Variants in ERAP1 observed in about 807,000 individuals in gnomAD.
ERAP1 encodes the protein adipocyte-derived leucine aminopeptidase.
A neutral mutation model predicts 103.7 loss-of-function variants in ERAP1; 86 were observed. That is an observed-to-expected ratio of 0.83 (90% CI 0.70 to 0.99). The LOEUF (loss-of-function observed/expected upper bound fraction) is 0.99. Ranked by LOEUF, ERAP1 falls within the 50% of genes least tolerant of loss-of-function variation. The pLI is 0.00. For missense variants in ERAP1, 1,009 were observed against 1,128.4 expected (o/e 0.89, Z 1.52); for synonymous variants, 398 against 402.4 (o/e 0.99, Z 0.13).
chr5:96,811,372 T>C (rs914045199), upstream of ERAP1, among the ~76,000 whole-genome samples: 8 of 152,204 alleles, frequency 5.3e-5, no homozygotes, highest in African/African-American at 1.9e-4. Context: ...GATCCTCACA[T>C]TGTACTTATG....
At chr5:96,766,790 T>C (rs572919662) in intron 19 of ERAP1, among the ~76,000 whole-genome samples, 10 of 152,278 alleles carry the variant, frequency 6.6e-5, no homozygotes, top group East Asian at 1.9e-4. Flanking sequence ...TCCATGCCTG[T>C]TCATCAAATA....
the ERAP1 span, among the ~76,000 whole-genome samples, chr5:96,848,253 G>A: frequency 6.6e-6 from 1 of 152,122 alleles, no homozygotes; most frequent in South Asian, 2.1e-4. Flanking sequence ...ATTTCACCAT[G>A]TTGGCCAGGC....
the ERAP1 span, among the ~76,000 whole-genome samples, chr5:96,823,819 C>T: frequency 6.6e-6 from 1 of 152,170 alleles, no homozygotes; most frequent in African/African-American, 2.4e-5. Context: ...TTCACATTTT[C>T]ACTTAAAAGA....
At chr5:96,915,656 T>C in the ERAP1 span, 15 of 1,365,708 alleles carry the variant, frequency 1.1e-5, no homozygotes, top group Non-Finnish European at 1.5e-5. Context: ...AGTATTTCTA[T>C]GACTTTCTAT....
intron 15 of ERAP1, among the ~76,000 whole-genome samples, chr5:96,782,072 T>C (rs1407438121): frequency 1.3e-5 from 2 of 150,896 alleles, no homozygotes; most frequent in Non-Finnish European, 2.9e-5. Context: ...GTGCCGTGGC[T>C]CGATATCGGT....
the ERAP1 span, among the ~76,000 whole-genome samples, chr5:96,929,407 CTCCTTCCTTCCTTCTT>C: frequency 3.3e-5 from 5 of 152,028 alleles, no homozygotes; most frequent in Admixed American, 3.3e-4. Context: ...ACTTTTCTTT[CTCCTTCCTTCCTTCTT>C]TCCTTCCTTC....
At chr5:96,877,812 T>C in the ERAP1 span, among the ~76,000 whole-genome samples, 15 of 152,264 alleles carry the variant, frequency 9.9e-5, no homozygotes, top group Admixed American at 5.2e-4. Flanking sequence ...CACTGAGATT[T>C]GTAGCAGTAA....
At chr5:96,835,473 CT>C in the ERAP1 span, among the ~76,000 whole-genome samples, 2 of 152,164 alleles carry the variant, frequency 1.3e-5, no homozygotes, top group Non-Finnish European at 2.9e-5. Flanking sequence ...TGTCATATAT[CT>C]TTTTAAAAAC....
chr5:96,869,196 G>C, the ERAP1 span, among the ~76,000 whole-genome samples: 13,303 of 151,800 alleles, frequency 0.088, 685 homozygotes, highest in Middle Eastern at 0.15. Flanking sequence ...TCTGAAGATA[G>C]AGTGACCTGT....
chr5:96,917,632 C>A, the ERAP1 span: 3 of 1,586,186 alleles, frequency 1.9e-6, no homozygotes, highest in East Asian at 4.6e-5. Flanking sequence ...GTAGGCTGGG[C>A]GCGGTGGCTC....
the ERAP1 span, among the ~76,000 whole-genome samples, chr5:96,923,266 G>A: frequency 6.6e-6 from 1 of 152,140 alleles, no homozygotes; most frequent in Non-Finnish European, 1.5e-5. Context: ...ACCACGCCAG[G>A]TCCTGGCTGT....
chr5:96,815,407 G>GTTTTTTTT, the ERAP1 span, among the ~76,000 whole-genome samples: 14 of 105,494 alleles, frequency 1.3e-4, 1 homozygote, highest in Non-Finnish European at 2.1e-4. Flanking sequence ...TGTTTGTTTT[G>GTTTTTTTT]TTTTTTATTT....
chr5:96,909,237 CTGAT>C, the ERAP1 span: 1 of 893,394 alleles, frequency 1.1e-6, no homozygotes, highest in Non-Finnish European at 1.7e-6. Flanking sequence ...GGGGGACTGA[CTGAT>C]AGCATGTAAT....
chr5:96,787,892 C>T (rs1162851228), intron 11 of ERAP1, among the ~76,000 whole-genome samples: 1 of 148,216 alleles, frequency 6.7e-6, no homozygotes, highest in Non-Finnish European at 1.5e-5. Flanking sequence ...AGAGAGAGAG[C>T]AAGAGAGAGA....
At chr5:96,883,911 C>T in the ERAP1 span, 1 of 1,610,744 alleles carries the variant, frequency 6.2e-7, no homozygotes, top group East Asian at 2.2e-5. Flanking sequence ...AGGCATATTG[C>T]ACTATCCAAC....
At chr5:96,792,979 G>C (rs1406421184) in intron 7 of ERAP1, among the ~76,000 whole-genome samples, 4 of 152,054 alleles carry the variant, frequency 2.6e-5, no homozygotes, top group Non-Finnish European at 4.4e-5. Flanking sequence ...AGAAGCCTAG[G>C]TTGTTATACA....
the ERAP1 span, among the ~76,000 whole-genome samples, chr5:96,814,939 G>A: frequency 3.3e-4 from 50 of 152,314 alleles, no homozygotes; most frequent in African/African-American, 1.1e-3. Flanking sequence ...TACAGATGTA[G>A]CTGAGTTATC....
the ERAP1 span, among the ~76,000 whole-genome samples, chr5:96,863,116 T>C: frequency 6.6e-6 from 1 of 152,140 alleles, no homozygotes; most frequent in Admixed American, 6.5e-5. Context: ...GTCTCTCTTC[T>C]CTAAATCCAC....
At chr5:96,799,580 A>C (rs1777758077) in intron 3 of ERAP1, among the ~76,000 whole-genome samples, 2 of 152,126 alleles carry the variant, frequency 1.3e-5, no homozygotes, top group South Asian at 4.2e-4. Flanking sequence ...TTCTCCACTA[A>C]TCCTGTTTGG....
Sources: gnomAD v4.1 joint callset for allele counts (sites outside exome capture counted in the v4.1 genomes callset) on GRCh38, gnomAD v4.1.1 for gene constraint, MANE v1.5 for transcripts, NCBI Gene and HGNC (gene_info 2026-07-23, HGNC 2026-07-21) for gene names.